DPP10: variants seen among roughly 807,000 people sequenced by gnomAD.
DPP10 encodes dipeptidyl peptidase like 10, also known as inactive dipeptidyl peptidase 10.
Under a neutral mutation model 120.9 loss-of-function variants are expected in DPP10, and 33 were observed. That is an observed-to-expected ratio of 0.27 (90% confidence interval 0.21 to 0.37). DPP10 has a LOEUF of 0.37. Ranked by LOEUF, DPP10 falls within the 10% of genes least tolerant of loss-of-function variation. The pLI is 1.00. For missense variants in DPP10, 816 were observed against 942.8 expected (o/e 0.87, Z 1.76); for synonymous variants, 337 against 326.1 (o/e 1.03, Z -0.36).
At chr2:114,750,338 AT>A (rs543605794) in intron 1 of DPP10, among the ~76,000 whole-genome samples, 209 of 145,366 alleles carry the variant, frequency 1.4e-3, no homozygotes, top group Admixed American at 1.5e-3. Context: ...ACATCAATAT[AT>A]TTTTTTTTTT....
chr2:115,045,348 C>T (rs1270211722), intron 1 of DPP10, among the ~76,000 whole-genome samples: 1 of 152,054 alleles, frequency 6.6e-6, no homozygotes, highest in African/African-American at 2.4e-5. Flanking sequence ...AAGGTTCTTT[C>T]TTTATTTCTG....
At chr2:114,762,028 G>A (rs940922122) in intron 1 of DPP10, among the ~76,000 whole-genome samples, 1 of 152,196 alleles carries the variant, frequency 6.6e-6, no homozygotes, top group Non-Finnish European at 1.5e-5. Context: ...TGTCTCATTT[G>A]AAGATTCACT....
At chr2:115,403,381 C>CTTTTTTTTTTTTTTTTT (rs78116780) in intron 3 of DPP10, among the ~76,000 whole-genome samples, 3 of 118,466 alleles carry the variant, frequency 2.5e-5, no homozygotes, top group South Asian at 2.9e-4. Flanking sequence ...TTCTTTCCTT[C>CTTTTTTTTTTTTTTTTT]TTTTTTTTTT....
At chr2:115,020,319 T>G (rs1230431838) in intron 1 of DPP10, among the ~76,000 whole-genome samples, 1 of 152,152 alleles carries the variant, frequency 6.6e-6, no homozygotes, top group African/African-American at 2.4e-5. Flanking sequence ...GGAAAAAAGA[T>G]ATTCCACACA....
chr2:114,488,290 T>C (rs1464685944), intron 1 of DPP10, among the ~76,000 whole-genome samples: 1 of 152,186 alleles, frequency 6.6e-6, no homozygotes, highest in African/African-American at 2.4e-5. Context: ...ATGGCTTATT[T>C]GTTAGGTGAT....
chr2:114,732,257 C>T (rs1236973336), intron 1 of DPP10, among the ~76,000 whole-genome samples: 1 of 152,140 alleles, frequency 6.6e-6, no homozygotes, highest in African/African-American at 2.4e-5. Context: ...GTTAAGAAAA[C>T]AGGAAACTGG....
intron 1 of DPP10, among the ~76,000 whole-genome samples, chr2:114,630,075 T>G (rs1694808975): frequency 1.3e-5 from 2 of 152,126 alleles, no homozygotes; most frequent in South Asian, 4.1e-4. Flanking sequence ...CTTGATAAAA[T>G]TTGGACGATT....
At chr2:115,210,857 G>A (rs564322557) in intron 1 of DPP10, among the ~76,000 whole-genome samples, 195 of 152,102 alleles carry the variant, frequency 1.3e-3, no homozygotes, top group Non-Finnish European at 2.2e-3. Flanking sequence ...CCCACTTTTT[G>A]ATGGGGTTGT....
intron 1 of DPP10, among the ~76,000 whole-genome samples, chr2:114,850,739 C>G (rs1021899204): frequency 6.6e-6 from 1 of 152,080 alleles, no homozygotes; most frequent in Non-Finnish European, 1.5e-5. Context: ...CAAAAAGGAA[C>G]AATGCACTGT....
At chr2:115,383,902 G>A (rs978730746) in intron 3 of DPP10, among the ~76,000 whole-genome samples, 1 of 152,080 alleles carries the variant, frequency 6.6e-6, no homozygotes, top group Admixed American at 6.6e-5. Context: ...AAAGACTGCT[G>A]TATCTTTTTA....
intron 1 of DPP10, among the ~76,000 whole-genome samples, chr2:115,063,657 G>A (rs1559050000): frequency 6.6e-6 from 1 of 152,250 alleles, no homozygotes; most frequent in East Asian, 1.9e-4. Flanking sequence ...ACAAAAACAA[G>A]CAATGGGGAA....
At chr2:114,704,867 G>A (rs112206173) in intron 1 of DPP10, among the ~76,000 whole-genome samples, 177 of 152,188 alleles carry the variant, frequency 1.2e-3, no homozygotes, top group African/African-American at 3.8e-3. Context: ...TATAGTGGTG[G>A]AATCCTAACT....
intron 7 of DPP10, among the ~76,000 whole-genome samples, chr2:115,705,515 A>G (rs1219403290): frequency 2.0e-5 from 3 of 151,930 alleles, no homozygotes; most frequent in Non-Finnish European, 4.4e-5. Flanking sequence ...GATGAGGAAC[A>G]AGGCCAGCAA....
chr2:114,587,183 C>T (rs887208288), intron 1 of DPP10, among the ~76,000 whole-genome samples: 1 of 151,772 alleles, frequency 6.6e-6, no homozygotes, highest in Non-Finnish European at 1.5e-5. Context: ...TGCCTGTAAT[C>T]CCAGCTACTT....
intron 3 of DPP10, among the ~76,000 whole-genome samples, chr2:115,471,282 CT>C (rs1186920968): frequency 6.6e-6 from 1 of 152,142 alleles, no homozygotes; most frequent in Non-Finnish European, 1.5e-5. Context: ...GAAAAATATG[CT>C]TTTCTCTTCA....
chr2:114,561,209 C>G (rs1241980150), intron 1 of DPP10, among the ~76,000 whole-genome samples: 1 of 152,212 alleles, frequency 6.6e-6, no homozygotes, highest in East Asian at 1.9e-4. Context: ...AAATAGATTA[C>G]TAGTTCAGTT....
At chr2:115,165,586 A>T (rs147560982) in intron 1 of DPP10, among the ~76,000 whole-genome samples, 1 of 152,224 alleles carries the variant, frequency 6.6e-6, no homozygotes, top group Non-Finnish European at 1.5e-5. Flanking sequence ...TCATAAATTT[A>T]TAGGAGCTTT....
chr2:115,757,624 G>A (rs1281805070), intron 11 of DPP10, among the ~76,000 whole-genome samples: 2 of 151,992 alleles, frequency 1.3e-5, no homozygotes, highest in Non-Finnish European at 2.9e-5. Flanking sequence ...TGATTTGGGT[G>A]GGACACAGCC....
chr2:115,111,242 T>C (rs13029601), intron 1 of DPP10, among the ~76,000 whole-genome samples: 52,514 of 148,368 alleles, frequency 0.35, 10,010 homozygotes, highest in Non-Finnish European at 0.43. Context: ...TGTTTTTGCT[T>C]TTTTTTTTTT....
Sources: gnomAD v4.1 joint callset for allele counts (sites outside exome capture counted in the v4.1 genomes callset) on GRCh38, gnomAD v4.1.1 for gene constraint, MANE v1.5 for transcripts, NCBI Gene and HGNC (gene_info 2026-07-23, HGNC 2026-07-21) for gene names.